The following SMOC2 variants were observed in gnomAD, a reference collection of about 807,000 sequenced individuals.
SMOC2 encodes the protein SPARC related modular calcium binding 2, also known as SPARC-related modular calcium-binding protein 2.
In SMOC2, 39 loss-of-function variants were observed where a neutral mutation model predicts 61.4. The observed-to-expected ratio is 0.64, with a 90% CI of 0.49 to 0.83. The LOEUF is 0.83. SMOC2 is among the 40% of genes least tolerant of loss of function. SMOC2 has a pLI of 0.00. For missense variants in SMOC2, 556 were observed against 592.9 expected (o/e 0.94, Z 0.65); for synonymous variants, 247 against 239.9 (o/e 1.03, Z -0.27).
rs768447467 is a variant in SMOC2, at chr6:168,650,670, G to A, written c.908-11G>A. ...ATGAGTTAATTATGAAAACATACACGTGTTTTTCAGGTTGTCCGGGTGCCA... is the reference window on the plus strand; with the variant it reads ...ATGAGTTAATTATGAAAACATACACATGTTTTTCAGGTTGTCCGGGTGCCA... On this transcript the variant is annotated splice_polypyrimidine_tract_variant and intron_variant, in intron 9 of 12. Coordinates refer to ENST00000356284, the MANE Select transcript of SMOC2 (RefSeq NM_001166412.2). 42 of 1,610,038 alleles carry A rather than the reference G, an allele frequency of 2.6e-5. No homozygotes were observed. The highest frequency in any genetic ancestry group is 1.6e-4 in the Middle Eastern group (1 of 6,068).
At chr6:168,547,048 CG>C (rs1562340044) in intron 5 of SMOC2, 70 bp from the exon 6 acceptor site, 2 of 1,578,890 alleles carry the variant, frequency 1.3e-6, no homozygotes, top group South Asian at 2.2e-5. Flanking sequence ...AGCATCCACC[CG>C]TATGCACACT....
At chr6:168,497,707 C>T (rs1480285127) in intron 1 of SMOC2, among the ~76,000 whole-genome samples, 3 of 152,210 alleles carry the variant, frequency 2.0e-5, no homozygotes, top group Admixed American at 1.3e-4. Context: ...AAGTGAGAGA[C>T]AAACTCGGTT....
intron 9 of SMOC2, among the ~76,000 whole-genome samples, chr6:168,633,192 G>A (rs1383448384): frequency 2.0e-4 from 30 of 152,214 alleles, no homozygotes; most frequent in Non-Finnish European, 1.5e-4. Context: ...GGAAAATTTG[G>A]TGTATTCAGA....
At position 168,650,696 on chromosome 6, in the gene SMOC2, A is replaced by G; in HGVS notation, c.923A>G (p.Lys308Arg). Residue 308 changes from lysine (K) to arginine (R), a missense_variant, in exon 10 of 13, where the codon AAA (lysine) becomes AGA (arginine). Lys to Arg is a conservative substitution (Grantham distance 26). Transcript: ENST00000356284. Reference protein sequence around the residue: ...GRQLQGCPGAKKHEFLTSVLD... With the variant: ...GRQLQGCPGARKHEFLTSVLD... ...TGTTTTTCAGGTTGTCCGGGTGCCA[A>G]AAAGCATGAGTTTCTGACCAGCGTT... 1 of 1,613,832 alleles carries G rather than the reference A, an allele frequency of 6.2e-7. No individual in the cohort carries two copies. Among genetic ancestry groups the G allele is most frequent in the Non-Finnish European group, 8.5e-7 (1 of 1,179,892 alleles).
intron 8 of SMOC2, among the ~76,000 whole-genome samples, chr6:168,601,570 A>G (rs528306876): frequency 6.6e-6 from 1 of 152,254 alleles, no homozygotes; most frequent in Non-Finnish European, 1.5e-5. Flanking sequence ...CTTGGAAGCA[A>G]TGTTTCTGCG....
intron 2 of SMOC2, among the ~76,000 whole-genome samples, chr6:168,518,351 TGAGTGC>T (rs1401086383): frequency 6.6e-6 from 1 of 150,928 alleles, no homozygotes; most frequent in Non-Finnish European, 1.5e-5. Flanking sequence ...TGTGTGTGCG[TGAGTGC>T]GAATGTGTGT....
At chr6:168,662,847 G>A (rs1203257689) in intron 11 of SMOC2, among the ~76,000 whole-genome samples, 2 of 152,322 alleles carry the variant, frequency 1.3e-5, no homozygotes, top group African/African-American at 2.4e-5. Flanking sequence ...GAAGAGAGGC[G>A]TGATCATGAC....
intron 7 of SMOC2, among the ~76,000 whole-genome samples, chr6:168,569,168 TGC>T (rs1784611846): frequency 6.6e-6 from 1 of 152,262 alleles, no homozygotes; most frequent in African/African-American, 2.4e-5. Flanking sequence ...AGTCTCAGCC[TGC>T]TTTGTAGCCT....
At chr6:168,609,242 G>A (rs9456239) in intron 9 of SMOC2, among the ~76,000 whole-genome samples, 28,727 of 152,168 alleles carry the variant, frequency 0.19, 2,831 homozygotes, top group South Asian at 0.28. Context: ...GCAGCTCACT[G>A]GGCTGGCTTG....
At chr6:168,613,012 G>T (rs1391333769) in intron 9 of SMOC2, among the ~76,000 whole-genome samples, 1 of 152,200 alleles carries the variant, frequency 6.6e-6, no homozygotes, top group African/African-American at 2.4e-5. Flanking sequence ...TTTCACTCTC[G>T]GATACGGTTT....
chr6:168,513,460 C>T (rs1414464942), intron 2 of SMOC2, among the ~76,000 whole-genome samples: 13 of 46,220 alleles, frequency 2.8e-4, no homozygotes, highest in African/African-American at 6.7e-4. Flanking sequence ...GACACACACA[C>T]ACAAATACAC....
rs573488111 is a variant in SMOC2, at chr6:168,631,165, C to T, written c.908-19516C>T. On this transcript the variant is annotated intron_variant, in intron 9 of 12. Coordinates refer to ENST00000356284, the MANE Select transcript of SMOC2 (RefSeq NM_001166412.2). Reference sequence around the variant, plus strand: ...TGTGGGGCATCACGGATCCTACCAACGTGTGATGTCTCCCCCGGATGCCCA... The same window carrying T: ...TGTGGGGCATCACGGATCCTACCAATGTGTGATGTCTCCCCCGGATGCCCA... 1.4e-4 allele frequency among the ~76,000 whole-genome samples: 21 copies of T among 152,300 alleles called. No individual in the cohort carries two copies. In the South Asian group the frequency reaches 1.7e-3, roughly 12 times the overall value.
At chr6:168,639,545 A>G in intron 9 of SMOC2, among the ~76,000 whole-genome samples, 1 of 152,344 alleles carries the variant, frequency 6.6e-6, no homozygotes, top group Middle Eastern at 3.4e-3. Flanking sequence ...TGAAATATAC[A>G]GTAAATTATT....
intron 9 of SMOC2, among the ~76,000 whole-genome samples, chr6:168,614,167 A>G (rs1369265244): frequency 1.4e-5 from 1 of 72,794 alleles, no homozygotes; most frequent in Non-Finnish European, 2.7e-5. Flanking sequence ...ACCTACAGCC[A>G]GCACAGGGGG....
chr6:168,560,254 T>C (rs1784369185), intron 7 of SMOC2, among the ~76,000 whole-genome samples: 1 of 152,232 alleles, frequency 6.6e-6, no homozygotes, highest in Non-Finnish European at 1.5e-5. Flanking sequence ...CATTAGTAAC[T>C]AATGCCAGAA....
At chr6:168,466,662 T>C (rs1033376338) in intron 1 of SMOC2, among the ~76,000 whole-genome samples, 6 of 152,256 alleles carry the variant, frequency 3.9e-5, no homozygotes, top group Non-Finnish European at 7.3e-5. Context: ...TTGTCTGGGC[T>C]TTCTGCATCT....
At chr6:168,605,687 A>G (rs1785669090) in intron 8 of SMOC2, among the ~76,000 whole-genome samples, 1 of 152,146 alleles carries the variant, frequency 6.6e-6, no homozygotes, top group Admixed American at 6.5e-5. Flanking sequence ...CGAAGCTAGG[A>G]GATTTGGAAT....
At chr6:168,458,772 T>A (rs1472168546) in intron 1 of SMOC2, among the ~76,000 whole-genome samples, 1 of 152,114 alleles carries the variant, frequency 6.6e-6, no homozygotes, top group African/African-American at 2.4e-5. Context: ...CAGCTCTCCT[T>A]CTAGGAACAC....
chr6:168,517,968 G>A (rs775691017), intron 2 of SMOC2, among the ~76,000 whole-genome samples: 2 of 152,236 alleles, frequency 1.3e-5, no homozygotes, highest in Non-Finnish European at 2.9e-5. Flanking sequence ...TCTCTAGAAC[G>A]AGGAGCCGGT....
Sources: gnomAD v4.1 joint callset for allele counts (sites outside exome capture counted in the v4.1 genomes callset) on GRCh38, gnomAD v4.1.1 for gene constraint, MANE v1.5 for transcripts, NCBI Gene and HGNC (gene_info 2026-07-23, HGNC 2026-07-21) for gene names.